The following AGBL1 variants were observed in gnomAD, a reference collection of about 807,000 sequenced individuals.
AGBL1 encodes the protein cytosolic carboxypeptidase 4.
In AGBL1, 130 loss-of-function variants were observed where a neutral mutation model predicts 118.9. That is an observed-to-expected ratio of 1.09 (90% CI 0.95 to 1.26). The LOEUF (loss-of-function observed/expected upper bound fraction) is 1.26. Ranked by LOEUF, AGBL1 falls within the 50% of genes most tolerant of loss-of-function variation. The pLI is 0.00. For synonymous variants in AGBL1, 555 were observed against 478.9 expected, an observed-to-expected ratio of 1.16 and a Z score of -2.08; for missense variants, 1,584 against 1,298.1, an observed-to-expected ratio of 1.22 and a Z score of -3.38.
chr15:86,489,404 C>T (rs2082751708), intron 18 of AGBL1, among the ~76,000 whole-genome samples: 1 of 152,140 alleles, frequency 6.6e-6, no homozygotes, highest in Admixed American at 6.5e-5. Context: ...CCACATATAT[C>T]ATCTGACTTG....
intron 21 of AGBL1, among the ~76,000 whole-genome samples, chr15:86,601,087 T>G (rs2084485832): frequency 6.6e-6 from 1 of 152,138 alleles, no homozygotes; most frequent in South Asian, 2.1e-4. Flanking sequence ...TTTCATCTTA[T>G]TTGCATTAAC....
intron 22 of AGBL1, among the ~76,000 whole-genome samples, chr15:86,894,088 A>G (rs2080089419): frequency 2.6e-5 from 4 of 152,128 alleles, no homozygotes. Context: ...TCACTTTTGA[A>G]TGTGTGTTTA....
chr15:86,352,132 G>A (rs151032096), intron 17 of AGBL1, among the ~76,000 whole-genome samples: 1 of 152,314 alleles, frequency 6.6e-6, no homozygotes, highest in African/African-American at 2.4e-5. Context: ...CAAGACTGGA[G>A]TTCCTGGTTC....
At chr15:86,988,227 A>G in intron 24 of AGBL1, 1 of 1,034,422 alleles carries the variant, frequency 9.7e-7, no homozygotes. Context: ...CATACCCTTC[A>G]GCTTTGCAAG....
rs867557744 is a variant in AGBL1 at position 86,150,559 on chromosome 15, C to T, written c.263-3871C>T. ...TAAATTCCTGGGCACATACACCCTC[C>T]CAAGACTAAACCAGGAAGAAGTTGA... On this transcript the variant is annotated intron_variant, in intron 3 of 22. Transcript: ENST00000614907. Among the ~76,000 whole-genome samples the T allele has an allele frequency of 2.1e-4, 32 of 152,220 alleles. No individual in the cohort carries two copies. In the Middle Eastern group the frequency reaches 0.014, roughly 65 times the overall value.
At chr15:86,156,762 TTTTTTTCTTTTCTTTC>T (rs1184087950) in intron 4 of AGBL1, among the ~76,000 whole-genome samples, 2 of 149,628 alleles carry the variant, frequency 1.3e-5, no homozygotes, top group South Asian at 2.1e-4. Flanking sequence ...AATGCCTGAT[TTTTTTTCTTTTCTTTC>T]TTTTTTCTTT....
At position 86,819,245 on chromosome 15, in the gene AGBL1, A is replaced by T. The variant is rs1033687684; in HGVS notation, c.3159-87842A>T. On this transcript the variant is annotated intron_variant, in intron 22 of 22. Transcript: ENST00000614907. ...TAGTAGTGGCAGTAGTACTAGTAGT[A>T]GGTTGGTAGTAGTACTAATAGTAGG... Among the ~76,000 whole-genome samples the T allele has an allele frequency of 5.3e-5, 8 of 152,166 alleles. No homozygotes were observed. In the East Asian group the frequency reaches 1.6e-3, roughly 30 times the overall value.
At chr15:86,158,416 C>G (rs2077221802) in intron 4 of AGBL1, among the ~76,000 whole-genome samples, 1 of 152,184 alleles carries the variant, frequency 6.6e-6, no homozygotes, top group Non-Finnish European at 1.5e-5. Context: ...CTTAAAAACA[C>G]AAGTCCAGTG....
At chr15:86,233,932 GC>G (rs2078496402) in intron 6 of AGBL1, among the ~76,000 whole-genome samples, 1 of 152,078 alleles carries the variant, frequency 6.6e-6, no homozygotes, top group Non-Finnish European at 1.5e-5. Context: ...GTGTTCCCAG[GC>G]ACCCATTCTG....
At chr15:86,754,140 T>C (rs1207337552) in intron 22 of AGBL1, among the ~76,000 whole-genome samples, 1 of 152,158 alleles carries the variant, frequency 6.6e-6, no homozygotes, top group Non-Finnish European at 1.5e-5. Context: ...ATATATTTTA[T>C]GTTTGTGCAG....
chr15:86,949,432 G>C (rs931563380), intron 23 of AGBL1, among the ~76,000 whole-genome samples: 3 of 151,954 alleles, frequency 2.0e-5, no homozygotes, highest in Non-Finnish European at 2.9e-5. Flanking sequence ...TCAGGAAGAA[G>C]GCCACTGTTA....
At chr15:86,447,959 A>G (rs368753590) in intron 18 of AGBL1, among the ~76,000 whole-genome samples, 1 of 152,072 alleles carries the variant, frequency 6.6e-6, no homozygotes, top group Non-Finnish European at 1.5e-5. Context: ...GACATGGGCA[A>G]CATAACGAGA....
chr15:86,538,796 C>A (rs1339091971), intron 19 of AGBL1, among the ~76,000 whole-genome samples: 3 of 152,166 alleles, frequency 2.0e-5, no homozygotes, highest in Non-Finnish European at 4.4e-5. Flanking sequence ...TAAACACAAT[C>A]AGGAATAGGT....
chr15:86,396,960 A>T (rs993779485), intron 17 of AGBL1, among the ~76,000 whole-genome samples: 3 of 152,166 alleles, frequency 2.0e-5, no homozygotes, highest in Non-Finnish European at 4.4e-5. Flanking sequence ...TTCTTTTCAT[A>T]CCATCAAATA....
chr15:86,874,988 T>C (rs923698160), intron 22 of AGBL1, among the ~76,000 whole-genome samples: 1 of 152,032 alleles, frequency 6.6e-6, no homozygotes, highest in African/African-American at 2.4e-5. Flanking sequence ...ACCTGACAAG[T>C]GACAAACTGA....
At chr15:86,922,923 C>G (rs2141622004) in intron 23 of AGBL1, among the ~76,000 whole-genome samples, 1 of 152,290 alleles carries the variant, frequency 6.6e-6, no homozygotes, top group East Asian at 1.9e-4. Context: ...CTTATTATCA[C>G]AGCTGTGGTA....
rs868828513 is a variant in AGBL1 at position 86,601,104 on chromosome 15, C to T, written c.2994+46567C>T. Among the ~76,000 whole-genome samples the T allele has an allele frequency of 1.1e-4, 16 of 152,128 alleles. No homozygotes were observed. In the South Asian group the frequency reaches 1.4e-3, roughly 14 times the overall value. On this transcript the variant is annotated intron_variant, in intron 21 of 22. Transcript: ENST00000614907. Reference sequence around the variant, plus strand: ...TCATCTTATTTGCATTAACTTCCAGCCAGACCCTTATGGAGGGAACAGTTG... The same window carrying T: ...TCATCTTATTTGCATTAACTTCCAGTCAGACCCTTATGGAGGGAACAGTTG...
At chr15:86,201,967 C>A (rs1486688512) in intron 5 of AGBL1, among the ~76,000 whole-genome samples, 1 of 152,070 alleles carries the variant, frequency 6.6e-6, no homozygotes, top group Non-Finnish European at 1.5e-5. Flanking sequence ...ATCCATTTAA[C>A]CAATTAGGAA....
chr15:86,086,103 C>G (rs1478012148), intron 1 of AGBL1: 3 of 152,208 alleles, frequency 2.0e-5, no homozygotes, highest in Non-Finnish European at 2.9e-5. Flanking sequence ...GCGACCCACG[C>G]CTACAGCAGA....
Sources: gnomAD v4.1 joint callset for allele counts (sites outside exome capture counted in the v4.1 genomes callset) on GRCh38, gnomAD v4.1.1 for gene constraint, MANE v1.5 for transcripts, NCBI Gene and HGNC (gene_info 2026-07-23, HGNC 2026-07-21) for gene names.